CADM2: variants seen among roughly 807,000 people sequenced by gnomAD.
CADM2 encodes the protein cell adhesion molecule 2.
In CADM2, 12 loss-of-function variants were observed where a neutral mutation model predicts 49.8. That is an observed-to-expected ratio of 0.24 (90% CI 0.15 to 0.39). The LOEUF is 0.39. Among genes scored for constraint, CADM2 ranks in the 10% least tolerant of loss-of-function variants. The pLI is 1.00. For synonymous variants in CADM2, 214 were observed against 175.4 expected (o/e 1.22, Z -1.74); for missense variants, 378 against 492.3 (o/e 0.77, Z 2.20).
At chr3:85,852,672 G>A (rs2075154022) in intron 3 of CADM2, among the ~76,000 whole-genome samples, 1 of 152,094 alleles carries the variant, frequency 6.6e-6, no homozygotes, top group Non-Finnish European at 1.5e-5. Flanking sequence ...AGAGGTTAAA[G>A]CCAAAGAAAA....
At chr3:85,508,267 T>C (rs1171263560) in intron 1 of CADM2, among the ~76,000 whole-genome samples, 1 of 152,158 alleles carries the variant, frequency 6.6e-6, no homozygotes, top group Admixed American at 6.5e-5. Context: ...GAATTACATA[T>C]TATTAGACAT....
chr3:85,731,793 A>T (rs1485966975), intron 2 of CADM2, among the ~76,000 whole-genome samples: 2 of 152,122 alleles, frequency 1.3e-5, no homozygotes, highest in African/African-American at 2.4e-5. Flanking sequence ...AAGTGAAATA[A>T]AAAATTTGAG....
chr3:85,199,366 TGTATGAGAGA>T (rs2041427083), intron 1 of CADM2, among the ~76,000 whole-genome samples: 1 of 116,146 alleles, frequency 8.6e-6, no homozygotes, highest in Admixed American at 7.8e-5. Flanking sequence ...TGTGTGTGTG[TGTATGAGAGA>T]GAGAGAGAGA....
chr3:85,708,940 A>C (rs932364981), intron 1 of CADM2, among the ~76,000 whole-genome samples: 1 of 152,040 alleles, frequency 6.6e-6, no homozygotes. Flanking sequence ...TTTTTTAAAA[A>C]AAAAAACCAC....
chr3:85,464,920 T>C (rs1395811944), intron 1 of CADM2, among the ~76,000 whole-genome samples: 3 of 152,214 alleles, frequency 2.0e-5, no homozygotes, highest in East Asian at 1.9e-4. Flanking sequence ...GAGGCCGAGG[T>C]GGGTGGATCA....
chr3:86,042,232 G>A (rs1578038285), intron 8 of CADM2, among the ~76,000 whole-genome samples: 1 of 152,066 alleles, frequency 6.6e-6, no homozygotes, highest in East Asian at 1.9e-4. Context: ...TAAGATCAGA[G>A]CAGAACTGAA....
intron 1 of CADM2, among the ~76,000 whole-genome samples, chr3:85,579,392 T>C (rs2062729592): frequency 6.6e-6 from 1 of 152,136 alleles, no homozygotes; most frequent in South Asian, 2.1e-4. Context: ...GTTTACGACC[T>C]AACCATTTCT....
intron 2 of CADM2, among the ~76,000 whole-genome samples, chr3:85,763,004 T>G (rs2069466839): frequency 6.6e-6 from 1 of 152,136 alleles, no homozygotes; most frequent in Admixed American, 6.5e-5. Context: ...AATTTCTCAT[T>G]ATTACAACAA....
At chr3:85,168,427 C>T (rs1022611774) in intron 1 of CADM2, among the ~76,000 whole-genome samples, 1 of 152,086 alleles carries the variant, frequency 6.6e-6, no homozygotes, top group African/African-American at 2.4e-5. Flanking sequence ...TGTCAATGTT[C>T]ACAACATTAT....
At chr3:85,572,228 CG>C (rs2062500462) in intron 1 of CADM2, among the ~76,000 whole-genome samples, 1 of 151,976 alleles carries the variant, frequency 6.6e-6, no homozygotes, top group Admixed American at 6.6e-5. Flanking sequence ...ACCCAGGAGG[CG>C]GAGGTTGCAA....
intron 5 of CADM2, 134 bp downstream of exon 5, chr3:85,886,461 C>G (rs1288492468): frequency 9.7e-6 from 6 of 619,842 alleles, no homozygotes; most frequent in Non-Finnish European, 1.4e-5. Context: ...CCAGATTTAC[C>G]CATTCTTAAG....
At chr3:85,979,125 A>G (rs772117320) in intron 8 of CADM2, 12 of 1,595,454 alleles carry the variant, frequency 7.5e-6, no homozygotes, top group Non-Finnish European at 8.6e-6. Context: ...TTTTGTTTGC[A>G]TGATATGATT....
At chr3:84,964,969 A>T (rs1032436430) in intron 1 of CADM2, among the ~76,000 whole-genome samples, 4 of 152,190 alleles carry the variant, frequency 2.6e-5, no homozygotes, top group Admixed American at 2.6e-4. Context: ...ATAGTTCTTA[A>T]TATACATCTT....
chr3:85,211,555 A>G (rs1052194990), intron 1 of CADM2, among the ~76,000 whole-genome samples: 2 of 152,146 alleles, frequency 1.3e-5, no homozygotes, highest in African/African-American at 4.8e-5. Context: ...CTGGTCACCC[A>G]AGAGTTTACT....
chr3:85,712,457 A>T (rs1177722743), intron 1 of CADM2, among the ~76,000 whole-genome samples: 1 of 152,180 alleles, frequency 6.6e-6, no homozygotes, highest in Non-Finnish European at 1.5e-5. Context: ...TTCTCAAGTG[A>T]TCTTTTAAAC....
intron 1 of CADM2, among the ~76,000 whole-genome samples, chr3:85,515,425 C>CTTTTT (rs10662116): frequency 8.5e-5 from 12 of 141,652 alleles, no homozygotes; most frequent in Admixed American, 1.4e-4. Context: ...TTGTTTGTTT[C>CTTTTT]TTTTTTTTTT....
chr3:85,652,065 C>T (rs1268960465), intron 1 of CADM2, among the ~76,000 whole-genome samples: 1 of 149,922 alleles, frequency 6.7e-6, no homozygotes, highest in East Asian at 2.0e-4. Context: ...GATCCACCCA[C>T]CTCAGCCTCC....
intron 1 of CADM2, among the ~76,000 whole-genome samples, chr3:85,589,010 CA>C: frequency 6.6e-6 from 1 of 152,062 alleles, no homozygotes; most frequent in African/African-American, 2.4e-5. Flanking sequence ...ATAAGCACCA[CA>C]GGGAAGGTCA....
chr3:85,064,045 G>A (rs1165240213), intron 1 of CADM2, among the ~76,000 whole-genome samples: 1 of 152,016 alleles, frequency 6.6e-6, no homozygotes, highest in Non-Finnish European at 1.5e-5. Context: ...AAGGAAAACC[G>A]ATTCCTTTGG....
Sources: allele counts gnomAD v4.1 joint callset (sites outside exome capture counted in the v4.1 genomes callset), GRCh38; gene constraint gnomAD v4.1.1; transcripts MANE v1.5; gene names NCBI Gene and HGNC (gene_info 2026-07-23, HGNC 2026-07-21).